DGKH: variants seen among roughly 807,000 people sequenced by gnomAD.
DGKH encodes diacylglycerol kinase eta, also known as DAG kinase eta.
In DGKH, 90 loss-of-function variants were observed where a neutral mutation model predicts 159.3. The ratio of observed to expected loss-of-function variants is 0.57; its 90% confidence interval spans 0.48 to 0.67. The LOEUF is 0.67. Ranked by LOEUF, DGKH falls within the 30% of genes least tolerant of loss-of-function variation. DGKH has a pLI of 0.00. For synonymous variants in DGKH, 536 were observed against 553.8 expected, an observed-to-expected ratio of 0.97 and a Z score of 0.45; for missense variants, 1,181 against 1,506.1, an observed-to-expected ratio of 0.78 and a Z score of 3.57.
intron 20 of DGKH, among the ~76,000 whole-genome samples, chr13:42,200,867 A>G (rs1957330898): frequency 6.6e-6 from 1 of 152,208 alleles, no homozygotes; most frequent in Non-Finnish European, 1.5e-5. Context: ...AAAATCAGGA[A>G]GGTTCACATT....
chr13:42,071,188 G>A lies in DGKH; in HGVS notation c.192+22223G>A, dbSNP rs1402845370. ...ATCAAAAGGAAAGATCTTTCAAAAA[G>A]GGATAAGAAAAATAATTATGCTTCC... On this transcript the variant is annotated intron_variant, in intron 1 of 29. Coordinates refer to ENST00000337343, the MANE Select transcript of DGKH (RefSeq NM_178009.5). 3.2e-5 allele frequency: 16 copies of A among 505,018 alleles called. 1 individual carries two copies. In the South Asian group the frequency reaches 3.8e-4, roughly 12 times the overall value. The allele number at this position is 505,018 out of a possible 1,614,324, so 31.3% of individuals were successfully genotyped here.
chr13:42,118,097 G>A (rs1616851), intron 1 of DGKH, among the ~76,000 whole-genome samples: 35,824 of 151,910 alleles, frequency 0.24, 4,804 homozygotes, highest in African/African-American at 0.36. Context: ...GGCGCCTGTA[G>A]TCCCAGCTAC....
rs867388751 is a variant in DGKH, at chr13:42,163,486, A to G, written c.856-1845A>G. 7.6e-3 allele frequency among the ~76,000 whole-genome samples: 1,154 copies of G among 152,112 alleles called. 14 individuals are homozygous for G. Among genetic ancestry groups the G allele is most frequent in the African/African-American group, 0.027 (1,104 of 41,518 alleles). On this transcript the variant is annotated intron_variant, in intron 7 of 29. Coordinates refer to ENST00000337343, the MANE Select transcript of DGKH (RefSeq NM_178009.5). ...AGGTTACAGTCCCACCAACAGTGTA[A>G]AAGTGTTCCTATTTCTCCACATCCT... is the stretch of plus-strand genomic sequence containing the variant.
In DGKH at chr13:42,048,960, A is replaced by G; in HGVS notation, c.187A>G (p.Thr63Ala). ...AGTGTCTACCTCGGGGCAGATCCGG[A>G]CCAAGGTAGGGCGGAGGAGGCGGGC... ...RKVSTSGQIR[T>A]KTSIKEGQLL... Residue 63 changes from threonine to alanine, a missense_variant, in exon 1 of 30, where the codon ACC becomes GCC. This residue lies in a region of DGKH where 136 missense variants were observed against 132.2 expected (regional missense o/e 1.03). Transcript: ENST00000337343. The surrounding 1 kb of genome is among the most constrained non-coding windows in gnomAD (Gnocchi z 6.7). 7.7e-7 allele frequency: 1 copy of G among 1,297,578 alleles called. No individual in the cohort carries two copies. Among genetic ancestry groups the G allele is most frequent in the Non-Finnish European group, 9.9e-7 (1 of 1,015,128 alleles). 80.4% of individuals were successfully genotyped at this position (1,297,578 alleles called of 1,614,324 possible).
chr13:42,054,047 G>C lies in DGKH; in HGVS notation c.192+5082G>C, dbSNP rs9525564. 3.8e-4 allele frequency among the ~76,000 whole-genome samples: 58 copies of C among 152,172 alleles called. 1 individual carries two copies. The highest frequency in any genetic ancestry group is 4.3e-4 in the Non-Finnish European group (29 of 67,976). On this transcript the variant is annotated intron_variant, in intron 1 of 29. Transcript: ENST00000337343. ...CTTTATGGTAAGGCAGTATATGAAAGTATTGATTTGCATTTTTCACTGCCT... is the reference window on the plus strand; with the variant it reads ...CTTTATGGTAAGGCAGTATATGAAACTATTGATTTGCATTTTTCACTGCCT...
intron 1 of DGKH, among the ~76,000 whole-genome samples, chr13:42,119,810 C>T (rs1020007001): frequency 1.3e-5 from 2 of 152,018 alleles, no homozygotes; most frequent in African/African-American, 4.8e-5. Context: ...ACTTCATATT[C>T]CTTTCTCATC....
chr13:42,071,270 C>G (rs1160572318), intron 1 of DGKH, among the ~76,000 whole-genome samples: 1 of 152,088 alleles, frequency 6.6e-6, no homozygotes, highest in Admixed American at 6.5e-5. Context: ...TGTTGATTTC[C>G]CCGTAGGTTT....
chr13:42,074,307 A>G (rs1883163039), intron 1 of DGKH, among the ~76,000 whole-genome samples: 1 of 152,154 alleles, frequency 6.6e-6, no homozygotes, highest in African/African-American at 2.4e-5. Flanking sequence ...TTTAAACCCT[A>G]TTATTCTTAC....
At chr13:42,170,154 T>C (rs1956411133) in intron 11 of DGKH, among the ~76,000 whole-genome samples, 1 of 152,228 alleles carries the variant, frequency 6.6e-6, no homozygotes, top group Non-Finnish European at 1.5e-5. Context: ...CAAAAGGGGT[T>C]ATTTAAATGC....
At chr13:42,174,186 A>C in intron 12 of DGKH, 42 bp downstream of exon 12, 5 of 1,403,840 alleles carry the variant, frequency 3.6e-6, no homozygotes, top group Non-Finnish European at 5.0e-6. Context: ...ATGGGGGTGG[A>C]TATCTTGAGA....
intron 1 of DGKH, among the ~76,000 whole-genome samples, chr13:42,118,190 C>G (rs2137818414): frequency 1.3e-5 from 2 of 152,120 alleles, no homozygotes; most frequent in Admixed American, 1.3e-4. Context: ...GCACTCCAGC[C>G]TGGGCAAGAG....
At position 42,208,980 on chromosome 13, in the gene DGKH, G is replaced by A; in HGVS notation, c.2623G>A (p.Asp875Asn). ...TCAGATATTTGCTGCACCATCCTTT[G>A]ATGACAAGATCCTGGAAGTTGTAGC... ...EDDIFAAPSFDDKILEVVAIF... is the reference protein window; with the variant it reads ...EDDIFAAPSFNDKILEVVAIF... Residue 875 changes from aspartate (D) to asparagine (N), a missense_variant, in exon 22 of 30, where the codon GAT (aspartate) becomes AAT (asparagine). Asp to Asn is a conservative substitution (Grantham distance 23). Around this residue, in one of 5 missense-constraint regions of DGKH, gnomAD observed 335 missense variants for 495.2 expected, o/e 0.68. Transcript: ENST00000337343. 6.2e-7 allele frequency: 1 copy of A among 1,611,840 alleles called. No homozygotes were observed. Among genetic ancestry groups the A allele is most frequent in the Non-Finnish European group, 8.5e-7 (1 of 1,179,006 alleles).
intron 3 of DGKH, 26 bp downstream of exon 3, chr13:42,129,658 T>C (rs747488224): frequency 6.3e-7 from 1 of 1,591,438 alleles, no homozygotes; most frequent in East Asian, 2.2e-5. Flanking sequence ...GCTAACTCCC[T>C]TCTCAAAAGT....
rs796793059 is a variant in DGKH, at chr13:42,113,855, GAC to G, written c.193-13604_193-13603del. ...AGGAAAAAGCAATGTTATGATAGGAGACACAATATATTGAATATATTGTGGTG... is the reference window on the plus strand; with the variant it reads ...AGGAAAAAGCAATGTTATGATAGGAGACAATATATTGAATATATTGTGGTG... On this transcript the variant is annotated intron_variant, in intron 1 of 29. Coordinates refer to ENST00000337343, the MANE Select transcript of DGKH (RefSeq NM_178009.5). Among the ~76,000 whole-genome samples, 10 of 152,248 alleles carry G rather than the reference GAC, an allele frequency of 6.6e-5. 1 individual carries two copies. Among genetic ancestry groups the G allele is most frequent in the African/African-American group, 2.4e-4 (10 of 41,548 alleles).
chr13:42,135,491 G>A (rs75657506), intron 3 of DGKH, among the ~76,000 whole-genome samples: 5,591 of 67,128 alleles, frequency 0.083, 260 homozygotes, highest in Middle Eastern at 0.12. Context: ...CCCTGTCTCA[G>A]AAAAAAAAAA....
At chr13:42,197,439 A>G (rs1160498107) in intron 17 of DGKH, among the ~76,000 whole-genome samples, 1 of 152,104 alleles carries the variant, frequency 6.6e-6, no homozygotes, top group Non-Finnish European at 1.5e-5. Context: ...AAACTATGAC[A>G]TTAAACGAAA....
chr13:42,057,899 G>A (rs867118723), intron 1 of DGKH, among the ~76,000 whole-genome samples: 1 of 152,138 alleles, frequency 6.6e-6, no homozygotes, highest in Non-Finnish European at 1.5e-5. Context: ...TGAAGAGCAG[G>A]CTAAGTAGAA....
chr13:42,120,243 A>G (rs1408044508), intron 1 of DGKH, among the ~76,000 whole-genome samples: 2 of 152,260 alleles, frequency 1.3e-5, no homozygotes, highest in Non-Finnish European at 2.9e-5. Context: ...AAAACATGGA[A>G]TGAAAATATA....
chr13:42,143,447 T>C (rs1955628405), intron 3 of DGKH, among the ~76,000 whole-genome samples: 1 of 152,200 alleles, frequency 6.6e-6, no homozygotes, highest in Non-Finnish European at 1.5e-5. Flanking sequence ...TCTTTTTCTA[T>C]TGATTGGAAT....
Sources: gnomAD v4.1 joint callset for allele counts (sites outside exome capture counted in the v4.1 genomes callset) on GRCh38, gnomAD v4.1.1 for gene constraint, gnomAD v4.1.1 regional missense constraint, Gnocchi (gnomAD v3.1) non-coding constraint, MANE v1.5 for transcripts, NCBI Gene and HGNC (gene_info 2026-07-23, HGNC 2026-07-21) for gene names.